The following ATP6V0A2 variants were observed in gnomAD, a reference collection of about 807,000 sequenced individuals.
ATP6V0A2 encodes the protein ATPase H+ transporting V0 subunit a2, also known as V-type proton ATPase 116 kDa subunit a 2.
Under a neutral mutation model 104.4 loss-of-function variants are expected in ATP6V0A2, and 58 were observed. The ratio of observed to expected loss-of-function variants is 0.56; its 90% CI spans 0.45 to 0.69. The LOEUF (loss-of-function observed/expected upper bound fraction) is 0.69, where lower values mean the gene tolerates loss of function less well. Ranked by LOEUF, ATP6V0A2 falls within the 30% of genes least tolerant of loss-of-function variation. The pLI is 0.00. For synonymous variants in ATP6V0A2, 376 were observed against 397.9 expected (o/e 0.95, Z 0.65); for missense variants, 938 against 1,062.9 (o/e 0.88, Z 1.63).
At chr12:123,745,112 A>T in intron 13 of ATP6V0A2, 140 bp downstream of exon 13, 1 of 884,304 alleles carries the variant, frequency 1.1e-6, no homozygotes, top group Non-Finnish European at 1.8e-6. Flanking sequence ...TGTGCATCCC[A>T]GTCCCGGACA....
intron 9 of ATP6V0A2, among the ~76,000 whole-genome samples, chr12:123,738,159 C>A (rs1413126947): frequency 6.6e-6 from 1 of 152,182 alleles, no homozygotes; most frequent in Admixed American, 6.5e-5. Flanking sequence ...AACCCCAGCA[C>A]TTTGGGAGGC....
At chr12:123,718,907 A>G (rs1336276148) in intron 2 of ATP6V0A2, among the ~76,000 whole-genome samples, 1 of 152,146 alleles carries the variant, frequency 6.6e-6, no homozygotes, top group Non-Finnish European at 1.5e-5. Context: ...TTACAAACAT[A>G]ATGGCCTGGT....
chr12:123,760,231 C>G lies in ATP6V0A2; in HGVS notation c.*2199C>G, dbSNP rs1956797805. The stretch of plus-strand genomic sequence containing the variant: ...TTTTTTAACTCTTTCTAATTAACAC[C>G]TCTTCTCAGCATAGAGCAGAGGATG... On this transcript the variant is annotated 3_prime_UTR_variant, in exon 20 of 20. Coordinates refer to ENST00000330342, the MANE Select transcript of ATP6V0A2 (RefSeq NM_012463.4). The G allele has an allele frequency of 6.6e-6, 1 of 152,176 alleles. No individual in the cohort carries two copies. Among genetic ancestry groups the G allele is most frequent in the Admixed American group, 6.5e-5 (1 of 15,274 alleles). The allele number at this position is 152,176 out of a possible 1,614,324, so 9.4% of individuals were successfully genotyped here.
intron 13 of ATP6V0A2, among the ~76,000 whole-genome samples, chr12:123,747,010 C>T (rs1307495529): frequency 2.0e-5 from 3 of 152,136 alleles, no homozygotes; most frequent in Non-Finnish European, 4.4e-5. Context: ...AATTAATTTT[C>T]AGACAGTAAG....
intron 1 of ATP6V0A2, among the ~76,000 whole-genome samples, chr12:123,718,074 G>A (rs796455495): frequency 4.8e-5 from 7 of 144,444 alleles, no homozygotes; most frequent in Admixed American, 1.5e-4. Context: ...ACTTAGGTGC[G>A]CCACCATGCC....
chr12:123,713,701 C>T (rs1956313986), intron 1 of ATP6V0A2, among the ~76,000 whole-genome samples: 1 of 152,128 alleles, frequency 6.6e-6, no homozygotes, highest in African/African-American at 2.4e-5. Flanking sequence ...AGGCAAAGAA[C>T]AGGGTGTGGA....
chr12:123,747,559 T>C (rs759243442), intron 13 of ATP6V0A2, 48 bp from the exon 14 acceptor site: 9 of 1,256,342 alleles, frequency 7.2e-6, no homozygotes, highest in Non-Finnish European at 1.1e-5. Flanking sequence ...GTGTCACCTG[T>C]TGAAGGAAGT....
rs867824425 is a variant in ATP6V0A2 at position 123,729,288 on chromosome 12, C to T, written c.648+1379C>T. On this transcript the variant is annotated intron_variant, in intron 6 of 19. Transcript: ENST00000330342. ...GATGCATGTTGCAATTCCTCTCACA[C>T]GGCTCTGGAATCAACTGTTTCTTCA... Among the ~76,000 whole-genome samples, 8 of 143,314 alleles carry T rather than the reference C, an allele frequency of 5.6e-5. No individual in the cohort carries two copies. In the South Asian group the frequency reaches 6.7e-4, roughly 12 times the overall value. The allele number at this position is 143,314 out of a possible 152,430, so 94.0% of individuals were successfully genotyped here. A position where few individuals can be genotyped will look rare whatever the true frequency, so the allele number is the denominator to read the frequency against.
chr12:123,733,643 G>T, intron 6 of ATP6V0A2: 1 of 447,310 alleles, frequency 2.2e-6, no homozygotes, highest in Non-Finnish European at 4.1e-6. Context: ...TCTGAGAGCA[G>T]AGATGGGAAG....
At chr12:123,735,465 G>T in intron 7 of ATP6V0A2, 66 bp from the exon 8 acceptor site, 1 of 1,441,896 alleles carries the variant, frequency 6.9e-7, no homozygotes, top group South Asian at 1.1e-5. Flanking sequence ...AGATGTGCCG[G>T]GGAGGTGAAC....
At chr12:123,754,369 G>A (rs775264848) in intron 17 of ATP6V0A2, 51 bp from the exon 18 acceptor site, 1 of 1,364,078 alleles carries the variant, frequency 7.3e-7, no homozygotes, top group Non-Finnish European at 1.1e-6. Context: ...GCATGTAGAA[G>A]TACACATGTA....
At chr12:123,733,141 C>T (rs7398372) in intron 6 of ATP6V0A2, 87,257 of 151,304 alleles carry the variant, frequency 0.58, 25,929 homozygotes, top group East Asian at 0.94. Context: ...GGAGAAACCC[C>T]CGTCTCTACT....
intron 15 of ATP6V0A2, chr12:123,750,076 A>G (rs1181544324): frequency 6.6e-6 from 1 of 152,176 alleles, no homozygotes; most frequent in South Asian, 2.1e-4. Flanking sequence ...GCTTTGTACA[A>G]TGGCATAGAT....
At chr12:123,739,049 GTTA>G (rs1236847428) in intron 9 of ATP6V0A2, 1 of 152,304 alleles carries the variant, frequency 6.6e-6, no homozygotes, top group East Asian at 1.9e-4. Context: ...TAGTACTCCT[GTTA>G]TAGGTGGTGT....
intron 9 of ATP6V0A2, among the ~76,000 whole-genome samples, chr12:123,739,190 A>G (rs1376498668): frequency 1.3e-5 from 2 of 152,110 alleles, no homozygotes; most frequent in African/African-American, 4.8e-5. Context: ...GGTCTCAGTG[A>G]CCACATGTCC....
chr12:123,739,959 A>G (rs1412006018), intron 9 of ATP6V0A2, among the ~76,000 whole-genome samples: 1 of 152,084 alleles, frequency 6.6e-6, no homozygotes, highest in Non-Finnish European at 1.5e-5. Flanking sequence ...TTTAAAGACC[A>G]GTGATTTTCA....
chr12:123,745,069 C>T (rs1487901433), intron 13 of ATP6V0A2, 97 bp downstream of exon 13: 13 of 1,237,368 alleles, frequency 1.1e-5, no homozygotes, highest in East Asian at 2.4e-5. Context: ...GCAGGGTTCA[C>T]GCTGCCCTGA....
At chr12:123,722,315 T>C (rs1341097107) in intron 2 of ATP6V0A2, 36 bp from the exon 3 acceptor site, 15 of 1,229,894 alleles carry the variant, frequency 1.2e-5, no homozygotes, top group Non-Finnish European at 1.8e-5. Context: ...TTATAGTACA[T>C]TTTAGTATCT....
chr12:123,753,593 T>C (rs1956736561), intron 17 of ATP6V0A2, among the ~76,000 whole-genome samples: 1 of 152,258 alleles, frequency 6.6e-6, no homozygotes, highest in South Asian at 2.1e-4. Flanking sequence ...TCAAAGGTTC[T>C]GTCTTCAAAT....
Sources: gnomAD v4.1 joint callset for allele counts (sites outside exome capture counted in the v4.1 genomes callset) on GRCh38, gnomAD v4.1.1 for gene constraint, MANE v1.5 for transcripts, NCBI Gene and HGNC (gene_info 2026-07-23, HGNC 2026-07-21) for gene names.